Variants in BRWD3 observed in about 807,000 individuals in gnomAD.
The protein encoded by BRWD3 is bromodomain and WD repeat-containing protein 3.
Under a neutral mutation model 149.7 loss-of-function variants are expected in BRWD3, and 10 were observed. The ratio of observed to expected loss-of-function variants is 0.07; its 90% CI spans 0.04 to 0.11. The LOEUF (loss-of-function observed/expected upper bound fraction) is 0.11, where lower values mean the gene tolerates loss of function less well. BRWD3 is among the 10% of genes least tolerant of loss of function. The pLI, the probability that BRWD3 is intolerant of heterozygous loss-of-function variation, is 1.00. For synonymous variants in BRWD3, 504 were observed against 456.7 expected (o/e 1.10, Z -1.32); for missense variants, 940 against 1,373.2 (o/e 0.68, Z 4.99).
At chrX:80,689,510 A>C (rs2072582587) in intron 33 of BRWD3, among the ~76,000 whole-genome samples, 1 of 111,723 alleles carries the variant, frequency 9.0e-6, no homozygotes, top group African/African-American at 3.2e-5. Context: ...AAATGTTGGA[A>C]AATAAAGTGT....
At chrX:80,719,463 C>T (rs1269710161) in intron 18 of BRWD3, 26 bp downstream of exon 18, 1 of 1,164,371 alleles carries the variant, frequency 8.6e-7, no homozygotes, top group Non-Finnish European at 1.2e-6. Flanking sequence ...ATAAACTACA[C>T]CCTTTACAAG....
chrX:80,692,889 A>G (rs1466828075), intron 28 of BRWD3, 51 bp downstream of exon 28: 1 of 998,883 alleles, frequency 1.0e-6, no homozygotes, highest in Non-Finnish European at 1.4e-6. Flanking sequence ...TTAAAAGTCC[A>G]CATACTACTA....
At chrX:80,725,845 T>C (rs1420631344) in intron 14 of BRWD3, among the ~76,000 whole-genome samples, 1 of 106,212 alleles carries the variant, frequency 9.4e-6, no homozygotes, top group Non-Finnish European at 1.9e-5. Flanking sequence ...TTACATGTGT[T>C]ACATGCCTAT....
At position 80,734,196 on chromosome X, in the gene BRWD3, A is replaced by C. The variant is rs751864583; in HGVS notation, c.1008T>G (p.Gly336=). 1 of 1,191,179 alleles carries C rather than the reference A, an allele frequency of 8.4e-7. No homozygotes were observed. Among genetic ancestry groups the C allele is most frequent in the South Asian group, 1.8e-5 (1 of 56,527 alleles). ...FSSGGMFITT[G]STDHVIRIYY... ...ATATTCTAATCACATGGTCAGTACT[A>C]CCAGTTGTAATGAACATACCACCTA... The change falls in exon 11 of 41, where the codon GGT becomes GGG. Residue 336 remains glycine, a synonymous_variant. Coordinates refer to ENST00000373275, the MANE Select transcript of BRWD3 (RefSeq NM_153252.5).
Position 80,673,263 on chromosome X carries a change from C to T in BRWD3, c.*3346G>A, listed in dbSNP as rs923071958. The T allele has an allele frequency of 2.7e-5, 3 of 109,693 alleles. No individual in the cohort carries two copies. The highest frequency in any genetic ancestry group is 5.7e-5 in the Non-Finnish European group (3 of 52,586). The allele number at this position is 109,693 out of a possible 1,213,427, so 9.0% of individuals were successfully genotyped here. On this transcript the variant is annotated 3_prime_UTR_variant, in exon 41 of 41. Coordinates refer to ENST00000373275, the MANE Select transcript of BRWD3 (RefSeq NM_153252.5). ...TATAGAGAAGAATTCCAACACAAGCCTGATTTCTGGGGAGGGAAAAAAAAG... is the reference window on the plus strand; with the variant it reads ...TATAGAGAAGAATTCCAACACAAGCTTGATTTCTGGGGAGGGAAAAAAAAG...
chrX:80,808,328 C>G (rs754962806), intron 4 of BRWD3, among the ~76,000 whole-genome samples: 18 of 109,182 alleles, frequency 1.6e-4, no homozygotes, highest in Non-Finnish European at 3.8e-5. Flanking sequence ...TCACATTCTT[C>G]AAAGTTTTCG....
At chrX:80,732,964 A>G (rs1439169694) in intron 12 of BRWD3, among the ~76,000 whole-genome samples, 2 of 110,728 alleles carry the variant, frequency 1.8e-5, no homozygotes, top group Non-Finnish European at 3.8e-5. Flanking sequence ...CACCGTCTCT[A>G]CTAAAAATAC....
At chrX:80,752,965 G>A (rs750737081) in intron 6 of BRWD3, among the ~76,000 whole-genome samples, 3 of 111,709 alleles carry the variant, frequency 2.7e-5, no homozygotes, top group Admixed American at 1.9e-4. Flanking sequence ...ACGCCTGGCC[G>A]ATCATTTTTT....
intron 5 of BRWD3, 55 bp from the exon 6 acceptor site, chrX:80,792,007 T>C (rs1306818527): frequency 1.3e-6 from 1 of 747,394 alleles, no homozygotes; most frequent in Non-Finnish European, 2.0e-6. Flanking sequence ...TTTTTAACCA[T>C]GTCTCAGAAG....
chrX:80,762,319 T>TTGA (rs1199065116), intron 6 of BRWD3, among the ~76,000 whole-genome samples: 1 of 111,952 alleles, frequency 8.9e-6, no homozygotes, highest in Non-Finnish European at 1.9e-5. Context: ...AAGGACCATG[T>TTGA]TGATGAAGCA....
chrX:80,725,825 CAT>C (rs1555971594), intron 14 of BRWD3, among the ~76,000 whole-genome samples: 4 of 62,625 alleles, frequency 6.4e-5, no homozygotes, highest in Admixed American at 3.1e-4. Context: ...GCCTATATAA[CAT>C]AACATGTTTA....
At chrX:80,792,084 T>C in intron 5 of BRWD3, 132 bp from the exon 6 acceptor site, 2 of 476,389 alleles carry the variant, frequency 4.2e-6, no homozygotes, top group South Asian at 3.3e-5. Flanking sequence ...ATGAAAATAA[T>C]AGGCATATAT....
intron 6 of BRWD3, among the ~76,000 whole-genome samples, chrX:80,772,103 C>T (rs189336158): frequency 8.9e-6 from 1 of 111,874 alleles, no homozygotes; most frequent in African/African-American, 3.3e-5. Context: ...TTTAACCCAG[C>T]AATCCCATTA....
At chrX:80,739,832 T>C (rs2073458573) in intron 8 of BRWD3, among the ~76,000 whole-genome samples, 1 of 112,139 alleles carries the variant, frequency 8.9e-6, no homozygotes, top group Non-Finnish European at 1.9e-5. Context: ...ATAAAAGTTA[T>C]ATGAATGTGG....
intron 6 of BRWD3, among the ~76,000 whole-genome samples, chrX:80,790,299 G>A (rs751779741): frequency 3.1e-3 from 339 of 107,998 alleles, no homozygotes; most frequent in Non-Finnish European, 4.8e-3. Context: ...AGAGAACTAT[G>A]ACCCACAAAG....
In BRWD3 at chrX:80,676,375, G is replaced by T; in HGVS notation, c.*234C>A. 1 of 407,412 alleles carries T rather than the reference G, an allele frequency of 2.5e-6. No homozygotes were observed. Among genetic ancestry groups the T allele is most frequent in the East Asian group, 4.1e-5 (1 of 24,451 alleles). The allele number at this position is 407,412 out of a possible 1,213,427, so 33.6% of individuals were successfully genotyped here. A position where few individuals can be genotyped will look rare whatever the true frequency, so the allele number is the denominator to read the frequency against. On this transcript the variant is annotated 3_prime_UTR_variant, in exon 41 of 41. Coordinates refer to ENST00000373275, the MANE Select transcript of BRWD3 (RefSeq NM_153252.5). ...TGTGTGTATGTGTGTGTATGTGTTT[G>T]TGTGTGTGTGGGCAGAATTTCTTTT...
chrX:80,725,890 T>TATAAC (rs1235025270), intron 14 of BRWD3, among the ~76,000 whole-genome samples: 2 of 110,415 alleles, frequency 1.8e-5, no homozygotes, highest in Non-Finnish European at 3.8e-5. Context: ...TACATGCCTA[T>TATAAC]ATAACATGTT....
Position 80,728,824 on chromosome X carries a change from A to C in BRWD3, c.1314T>G (p.Val438=). ...AAAGAAAATTGTTCACTGCAGTAAT[A>C]ACTGTGGTATCATAGCGATCCCAGG... ...MVAWDRYDTT[V]ITAVNNFLLK... Residue 438 remains valine, a synonymous_variant, in exon 14 of 41, where the codon GTT becomes GTG. Transcript: ENST00000373275. 1 of 1,206,375 alleles carries C rather than the reference A, an allele frequency of 8.3e-7. No individual in the cohort carries two copies. Among genetic ancestry groups the C allele is most frequent in the Non-Finnish European group, 1.1e-6 (1 of 890,547 alleles).
At chrX:80,726,344 T>C (rs199737675) in intron 14 of BRWD3, among the ~76,000 whole-genome samples, 1 of 65,259 alleles carries the variant, frequency 1.5e-5, no homozygotes, top group African/African-American at 6.6e-5. Flanking sequence ...ACATGTTATG[T>C]CTGTATAACA....
Sources: gnomAD v4.1 joint callset for allele counts (sites outside exome capture counted in the v4.1 genomes callset) on GRCh38, gnomAD v4.1.1 for gene constraint, MANE v1.5 for transcripts, NCBI Gene and HGNC (gene_info 2026-07-23, HGNC 2026-07-21) for gene names.